FAIM2: variants seen among roughly 807,000 people sequenced by gnomAD.
The protein encoded by FAIM2 is protein lifeguard 2.
A neutral mutation model predicts 47.4 loss-of-function variants in FAIM2; 27 were observed. That is an observed-to-expected ratio of 0.57 (90% confidence interval 0.42 to 0.78). The LOEUF (loss-of-function observed/expected upper bound fraction) is 0.78, where lower values mean the gene tolerates loss of function less well. Among genes scored for constraint, FAIM2 ranks in the 30% least tolerant of loss-of-function variants. The pLI is 0.00. For missense variants in FAIM2, 311 were observed against 389.4 expected (o/e 0.80, Z 1.69); for synonymous variants, 156 against 159.3 (o/e 0.98, Z 0.16).
chr12:49,891,740 T>C (rs1158095187), intron 5 of FAIM2, among the ~76,000 whole-genome samples: 12 of 152,150 alleles, frequency 7.9e-5, no homozygotes, highest in African/African-American at 2.9e-4. Context: ...CCCTCTTCTG[T>C]CCTGCCAGCA....
chr12:49,900,295 C>T, intron 2 of FAIM2: 2 of 1,077,512 alleles, frequency 1.9e-6, no homozygotes, highest in Non-Finnish European at 2.4e-6. Context: ...TCTGAGATCT[C>T]TTCTAGAATC....
rs769887096 is a variant in FAIM2 at position 49,889,192 on chromosome 12, G to T, written c.662C>A (p.Thr221Asn). 3.1e-6 allele frequency: 5 copies of T among 1,610,472 alleles called. No individual in the cohort carries two copies. The African/African-American group carries it at 5.3e-5, about 17-fold the overall frequency. Residue 221 changes from threonine (T) to asparagine (N), a missense_variant, in exon 10 of 12, where the codon ACC (threonine) becomes AAC (asparagine). By Grantham distance (65) the Thr-to-Asn change is moderately conservative (BLOSUM62 0). Coordinates refer to ENST00000320634, the MANE Select transcript of FAIM2 (RefSeq NM_012306.4). ...CACGAAGAGCACGCCCTGGCAGGAG[G>T]TGAAGTCGAACTGTGGGGACAGGAT... Reference protein sequence around the residue: ...VFSFQTKFDFTSCQGVLFVLL... With the variant: ...VFSFQTKFDFNSCQGVLFVLL...
At chr12:49,891,525 C>T (rs894340773) in intron 5 of FAIM2, among the ~76,000 whole-genome samples, 7 of 152,140 alleles carry the variant, frequency 4.6e-5, no homozygotes, top group South Asian at 2.1e-4. Context: ...GGAGGTCAGG[C>T]GACTTGTCCA....
At chr12:49,897,182 T>C in intron 4 of FAIM2, 98 bp from the exon 5 acceptor site, 1 of 1,075,442 alleles carries the variant, frequency 9.3e-7, no homozygotes, top group South Asian at 1.3e-5. Context: ...TCACAGAACT[T>C]GAGAGGAAGC....
chr12:49,900,855 TC>T (rs1946976780), intron 2 of FAIM2, among the ~76,000 whole-genome samples: 1 of 151,716 alleles, frequency 6.6e-6, no homozygotes, highest in Non-Finnish European at 1.5e-5. Flanking sequence ...CCCTCATCTG[TC>T]CCCTCCATTT....
rs749884247 is a variant in FAIM2, at chr12:49,870,393, A to G, written c.*111T>C. On this transcript the variant is annotated 3_prime_UTR_variant, in exon 12 of 12. Transcript: ENST00000320634. ...GGCTGGGGTAGACAGTGACCTGGCC[A>G]CAGGCTGGGTTGGCAGCTAGTTTTA... 155 of 1,038,652 alleles carry G rather than the reference A, an allele frequency of 1.5e-4. No homozygotes were observed. The highest frequency in any genetic ancestry group is 2.1e-4 in the Non-Finnish European group (143 of 691,602). 64.3% of individuals were successfully genotyped at this position (1,038,652 alleles called of 1,614,324 possible). A position where few individuals can be genotyped will look rare whatever the true frequency, so the allele number is the denominator to read the frequency against.
intron 11 of FAIM2, among the ~76,000 whole-genome samples, chr12:49,879,589 T>C (rs1946786661): frequency 6.6e-6 from 1 of 151,970 alleles, no homozygotes; most frequent in Admixed American, 6.6e-5. Flanking sequence ...TATATGTGTA[T>C]TTGTGTGCAT....
At chr12:49,880,112 G>T (rs1946799143) in intron 11 of FAIM2, among the ~76,000 whole-genome samples, 1 of 151,742 alleles carries the variant, frequency 6.6e-6, no homozygotes, top group African/African-American at 2.4e-5. Context: ...GTGCGTCTGT[G>T]TATGTGTGTG....
chr12:49,888,645 G>C (rs940206922), intron 10 of FAIM2, among the ~76,000 whole-genome samples: 1 of 152,126 alleles, frequency 6.6e-6, no homozygotes, highest in African/African-American at 2.4e-5. Flanking sequence ...AAGGATGTGG[G>C]TATACTCCGA....
At chr12:49,888,573 C>T (rs1178868952) in intron 10 of FAIM2, among the ~76,000 whole-genome samples, 1 of 152,120 alleles carries the variant, frequency 6.6e-6, no homozygotes, top group African/African-American at 2.4e-5. Flanking sequence ...AGTTGGATTC[C>T]CCAGGGCAGG....
At chr12:49,887,064 T>A (rs2137096133) in intron 11 of FAIM2, among the ~76,000 whole-genome samples, 1 of 152,142 alleles carries the variant, frequency 6.6e-6, no homozygotes, top group Non-Finnish European at 1.5e-5. Context: ...ATGGCCAGGA[T>A]ACCCCCACTC....
intron 10 of FAIM2, among the ~76,000 whole-genome samples, chr12:49,887,676 C>T (rs541844300): frequency 5.3e-5 from 8 of 152,016 alleles, no homozygotes; most frequent in Admixed American, 3.3e-4. Flanking sequence ...CGAGCCTGGT[C>T]GTTCTTCCCG....
At chr12:49,875,631 A>G (rs910009872) in intron 11 of FAIM2, among the ~76,000 whole-genome samples, 1 of 152,150 alleles carries the variant, frequency 6.6e-6, no homozygotes, top group Non-Finnish European at 1.5e-5. Context: ...CCAGGATGAA[A>G]GGGGGGTAGT....
intron 11 of FAIM2, among the ~76,000 whole-genome samples, chr12:49,877,984 G>C (rs1248034928): frequency 1.3e-5 from 2 of 151,716 alleles, no homozygotes; most frequent in Non-Finnish European, 2.9e-5. Flanking sequence ...GCATGTATGT[G>C]TTTATGTGTA....
chr12:49,875,637 G>A, intron 11 of FAIM2, among the ~76,000 whole-genome samples: 1 of 152,298 alleles, frequency 6.6e-6, no homozygotes, highest in South Asian at 2.1e-4. Context: ...TGAAAGGGGG[G>A]TAGTGTATGA....
chr12:49,886,925 TCA>T (rs1281286981), intron 11 of FAIM2, among the ~76,000 whole-genome samples: 1 of 152,124 alleles, frequency 6.6e-6, no homozygotes, highest in Non-Finnish European at 1.5e-5. Context: ...ATCAACATTC[TCA>T]GTTTCGTGAG....
intron 11 of FAIM2, among the ~76,000 whole-genome samples, chr12:49,872,954 T>A (rs536678879): frequency 6.6e-6 from 1 of 152,330 alleles, no homozygotes; most frequent in South Asian, 2.1e-4. Context: ...TCATTGTTAT[T>A]ATCTGCAGAA....
intron 11 of FAIM2, among the ~76,000 whole-genome samples, chr12:49,885,672 G>A (rs1168670891): frequency 1.3e-5 from 2 of 152,136 alleles, no homozygotes; most frequent in Non-Finnish European, 1.5e-5. Context: ...TCTTGATCAA[G>A]ACCACATTGA....
intron 5 of FAIM2, among the ~76,000 whole-genome samples, chr12:49,894,832 G>A (rs621391): frequency 6.6e-6 from 1 of 152,030 alleles, no homozygotes; most frequent in Non-Finnish European, 1.5e-5. Context: ...TGCCTGGCAG[G>A]GCTATTGAAA....
Sources: gnomAD v4.1 joint callset for allele counts (sites outside exome capture counted in the v4.1 genomes callset) on GRCh38, gnomAD v4.1.1 for gene constraint, MANE v1.5 for transcripts, NCBI Gene and HGNC (gene_info 2026-07-23, HGNC 2026-07-21) for gene names.